Variants in MAP3K3 observed in about 807,000 individuals in gnomAD.
MAP3K3 encodes the protein MAP/ERK kinase kinase 3.
A neutral mutation model predicts 80.9 loss-of-function variants in MAP3K3; 12 were observed. The observed-to-expected ratio is 0.15, with a 90% confidence interval of 0.10 to 0.24. The LOEUF (loss-of-function observed/expected upper bound fraction) is 0.24, where lower values mean the gene tolerates loss of function less well. MAP3K3 is among the 10% of genes least tolerant of loss of function. MAP3K3 has a pLI of 1.00. For missense variants in MAP3K3, 596 were observed against 834.7 expected (o/e 0.71, Z 3.52); for synonymous variants, 272 against 307.1 (o/e 0.89, Z 1.19).
At chr17:63,662,810 A>C (rs1015794656) in intron 5 of MAP3K3, among the ~76,000 whole-genome samples, 3 of 151,514 alleles carry the variant, frequency 2.0e-5, no homozygotes, top group African/African-American at 7.3e-5. Context: ...GGCGTGCGCC[A>C]CTACGCCCGG....
At chr17:63,665,158 G>T (rs1197100763) in intron 5 of MAP3K3, among the ~76,000 whole-genome samples, 2 of 151,932 alleles carry the variant, frequency 1.3e-5, no homozygotes, top group African/African-American at 4.8e-5. Flanking sequence ...CAAAAAATTA[G>T]CTGGGCGTGG....
chr17:63,629,418 C>T (rs1218277796), intron 1 of MAP3K3, among the ~76,000 whole-genome samples: 2 of 152,178 alleles, frequency 1.3e-5, no homozygotes, highest in Admixed American at 6.5e-5. Context: ...AGCCTCTGCG[C>T]CCAGCCTGTT....
At chr17:63,672,285 A>G (rs1301413661) in intron 6 of MAP3K3, among the ~76,000 whole-genome samples, 1 of 145,030 alleles carries the variant, frequency 6.9e-6, no homozygotes, top group Non-Finnish European at 1.5e-5. Flanking sequence ...CTCCATCTCA[A>G]AAAAAAAAAA....
At position 63,688,593 on chromosome 17, in the gene MAP3K3, A is replaced by G; in HGVS notation, c.777A>G (p.Ser259=). 3 of 1,614,004 alleles carry G rather than the reference A, an allele frequency of 1.9e-6. No homozygotes were observed. Among genetic ancestry groups the G allele is most frequent in the Non-Finnish European group, 2.5e-6 (3 of 1,179,864 alleles). The stretch of plus-strand genomic sequence containing the variant: ...TCCCTGACAACAGACAGGAATACTC[A>G]GGTGAGTTCCACAGAGCCTGGGTGG... ...QSFPDNRQEY[S]DRETQLYDKG... Residue 259 remains serine (S), a splice_region_variant and synonymous_variant, in exon 9 of 16, where the codon TCA becomes TCG. Transcript: ENST00000361733.
Position 63,688,814 on chromosome 17 carries a change from A to G in MAP3K3, c.804A>G (p.Lys268=). The change falls in exon 10 of 16, where the codon AAA becomes AAG. Residue 268 remains lysine (K), a synonymous_variant. Coordinates refer to ENST00000361733, the MANE Select transcript of MAP3K3 (RefSeq NM_002401.5). ...YSDRETQLYD[K]GVKGGTYPRR... is the part of the protein sequence containing the mutation. ...ATCGGGAAACTCAGCTTTATGACAAAGGGGTCAAAGGTGGAACCTACCCCC... is the reference window on the plus strand; with the variant it reads ...ATCGGGAAACTCAGCTTTATGACAAGGGGGTCAAAGGTGGAACCTACCCCC... The G allele has an allele frequency of 1.2e-6, 2 of 1,613,882 alleles. No homozygotes were observed. Among genetic ancestry groups the G allele is most frequent in the Non-Finnish European group, 1.7e-6 (2 of 1,179,816 alleles).
At position 63,693,437 on chromosome 17, in the gene MAP3K3, C is replaced by T; in HGVS notation, c.1653-112C>T. On this transcript the variant is annotated intron_variant, in intron 15 of 15. Coordinates refer to ENST00000361733, the MANE Select transcript of MAP3K3 (RefSeq NM_002401.5). The surrounding 1 kb of genome is among the most constrained non-coding windows in gnomAD (Gnocchi z 4.2). The stretch of plus-strand genomic sequence containing the variant: ...AAGCTGAGGTATCCCTCAGCTTGGC[C>T]TGTCCTGCACCTCAGCTTGCTGTGA... The T allele has an allele frequency of 1.1e-6, 1 of 913,500 alleles. No homozygotes were observed. The highest frequency in any genetic ancestry group is 1.7e-6 in the Non-Finnish European group (1 of 596,758). The allele number at this position is 913,500 out of a possible 1,614,324, so 56.6% of individuals were successfully genotyped here.
At chr17:63,667,086 C>T in intron 6 of MAP3K3, 26 bp downstream of exon 6, 1 of 1,558,512 alleles carries the variant, frequency 6.4e-7, no homozygotes, top group Non-Finnish European at 8.6e-7. Context: ...CTTTTTTCTC[C>T]CCCTCTATTT....
intron 1 of MAP3K3, among the ~76,000 whole-genome samples, chr17:63,630,301 G>T (rs954827092): frequency 6.6e-6 from 1 of 152,140 alleles, no homozygotes; most frequent in Non-Finnish European, 1.5e-5. Context: ...AAGTTTGGTT[G>T]TGAGGATAAA....
At chr17:63,625,223 T>A (rs1285481305) in intron 1 of MAP3K3, among the ~76,000 whole-genome samples, 1 of 152,226 alleles carries the variant, frequency 6.6e-6, no homozygotes, top group Non-Finnish European at 1.5e-5. Context: ...TCAGATTTTA[T>A]ATTGTCTGTT....
chr17:63,664,690 T>C (rs2034965400), intron 5 of MAP3K3, among the ~76,000 whole-genome samples: 1 of 152,172 alleles, frequency 6.6e-6, no homozygotes. Context: ...GAGGTGTTCA[T>C]GGAATGATCA....
chr17:63,695,516 A>G lies in MAP3K3; in HGVS notation c.*1739A>G, dbSNP rs1275130217. 6.6e-6 allele frequency: 1 copy of G among 152,634 alleles called. No individual in the cohort carries two copies. Among genetic ancestry groups the G allele is most frequent in the Non-Finnish European group, 1.5e-5 (1 of 68,134 alleles). The allele number at this position is 152,634 out of a possible 1,614,324, so 9.5% of individuals were successfully genotyped here. A position where few individuals can be genotyped will look rare whatever the true frequency, so the allele number is the denominator to read the frequency against. ...CCCCTGTACCCCACACTGCCCTCTG[A>G]AGACAACACAGGCTCCTGCTTCCAC... On this transcript the variant is annotated 3_prime_UTR_variant, in exon 16 of 16. Coordinates refer to ENST00000361733, the MANE Select transcript of MAP3K3 (RefSeq NM_002401.5). This position sits in a 1 kb window ranked among gnomAD's most constrained non-coding sequence, Gnocchi z 4.1.
intron 2 of MAP3K3, among the ~76,000 whole-genome samples, chr17:63,635,525 A>C (rs1260579111): frequency 6.6e-6 from 1 of 152,220 alleles, no homozygotes; most frequent in Non-Finnish European, 1.5e-5. Context: ...ACCAAGAGGG[A>C]TATTCTTCAG....
intron 2 of MAP3K3, among the ~76,000 whole-genome samples, chr17:63,638,757 T>C (rs988546402): frequency 6.6e-6 from 1 of 152,148 alleles, no homozygotes; most frequent in African/African-American, 2.4e-5. Context: ...ACAAAAGAAA[T>C]GTATGTCGGT....
At chr17:63,672,120 G>GGCTCACTGCAGCCTCAACC (rs2035122173) in intron 6 of MAP3K3, among the ~76,000 whole-genome samples, 1 of 151,864 alleles carries the variant, frequency 6.6e-6, no homozygotes, top group African/African-American at 2.4e-5. Flanking sequence ...CCGTCTCTAT[G>GGCTCACTGCAGCCTCAACC]AAAAATACAA....
intron 6 of MAP3K3, among the ~76,000 whole-genome samples, chr17:63,677,125 TCCGAAAG>T (rs2035235556): frequency 6.6e-6 from 1 of 152,164 alleles, no homozygotes; most frequent in Admixed American, 6.5e-5. Flanking sequence ...ATTTATAACT[TCCGAAAG>T]AAATTATGAG....
intron 8 of MAP3K3, among the ~76,000 whole-genome samples, chr17:63,686,184 A>G (rs1199559472): frequency 6.6e-6 from 1 of 152,186 alleles, no homozygotes; most frequent in Non-Finnish European, 1.5e-5. Context: ...ATTATGCCCA[A>G]GAACACTTTT....
intron 2 of MAP3K3, chr17:63,636,654 C>A (rs2034330133): frequency 4.1e-6 from 1 of 244,604 alleles, no homozygotes; most frequent in Non-Finnish European, 8.4e-6. Context: ...CCACGCAGAT[C>A]CAGCATGTGT....
chr17:63,630,034 C>T (rs976971634), intron 1 of MAP3K3, among the ~76,000 whole-genome samples: 26 of 152,142 alleles, frequency 1.7e-4, no homozygotes, highest in African/African-American at 5.3e-4. Flanking sequence ...GTTGAAAGAA[C>T]TGAAAATTCT....
At chr17:63,665,062 G>A (rs1406422305) in intron 5 of MAP3K3, among the ~76,000 whole-genome samples, 1 of 152,062 alleles carries the variant, frequency 6.6e-6, no homozygotes, top group Non-Finnish European at 1.5e-5. Context: ...CAGCACTTTG[G>A]AAGGCCAAGG....
Sources: gnomAD v4.1 joint callset for allele counts (sites outside exome capture counted in the v4.1 genomes callset) on GRCh38, gnomAD v4.1.1 for gene constraint, Gnocchi (gnomAD v3.1) non-coding constraint, MANE v1.5 for transcripts, NCBI Gene and HGNC (gene_info 2026-07-23, HGNC 2026-07-21) for gene names.